Variants in RPH3A observed in about 807,000 individuals in gnomAD.
RPH3A encodes rabphilin-3A.
In RPH3A, 48 loss-of-function variants were observed where a neutral mutation model predicts 102.2. The ratio of observed to expected loss-of-function variants is 0.47; its 90% CI spans 0.37 to 0.60. The LOEUF (loss-of-function observed/expected upper bound fraction) is 0.60, where lower values mean the gene tolerates loss of function less well. Among genes scored for constraint, RPH3A ranks in the 20% least tolerant of loss-of-function variants. RPH3A has a pLI of 0.00. For missense variants in RPH3A, 781 were observed against 910.1 expected, an observed-to-expected ratio of 0.86 and a Z score of 1.83; for synonymous variants, 310 against 324.3, an observed-to-expected ratio of 0.96 and a Z score of 0.47.
chr12:112,841,196 C>CCTCGTT (rs2042137212), intron 4 of RPH3A, among the ~76,000 whole-genome samples: 1 of 43,864 alleles, frequency 2.3e-5, no homozygotes, highest in Non-Finnish European at 4.8e-5. Flanking sequence ...AAAAAAAAAG[C>CCTCGTT]CTCGTTGGAA....
chr12:112,630,770 C>T (rs550109001), intron 1 of RPH3A, among the ~76,000 whole-genome samples: 13 of 152,292 alleles, frequency 8.5e-5, no homozygotes, highest in African/African-American at 3.1e-4. Flanking sequence ...ATGGCTCCCT[C>T]TGGGCTGGGC....
intron 2 of RPH3A, among the ~76,000 whole-genome samples, chr12:112,803,773 G>A (rs1197053065): frequency 6.6e-6 from 1 of 152,182 alleles, no homozygotes; most frequent in Non-Finnish European, 1.5e-5. Flanking sequence ...CTGGCCAGGA[G>A]GAGGCAGTAT....
intron 1 of RPH3A, among the ~76,000 whole-genome samples, chr12:112,701,993 A>G (rs1478316234): frequency 6.6e-6 from 1 of 152,248 alleles, no homozygotes; most frequent in African/African-American, 2.4e-5. Flanking sequence ...AGAGCAGAGC[A>G]GAAGGAGTTA....
intron 1 of RPH3A, among the ~76,000 whole-genome samples, chr12:112,728,663 C>T (rs1246530627): frequency 6.6e-6 from 1 of 152,110 alleles, no homozygotes; most frequent in Non-Finnish European, 1.5e-5. Context: ...GCCAGTCCCC[C>T]AAAAGATGGG....
intron 1 of RPH3A, among the ~76,000 whole-genome samples, chr12:112,586,797 C>T (rs577539943): frequency 6.6e-6 from 1 of 152,314 alleles, no homozygotes; most frequent in East Asian, 1.9e-4. Flanking sequence ...AAGACATTCA[C>T]AACTTCTAAG....
At chr12:112,649,598 T>C (rs931361660) in intron 1 of RPH3A, 5 of 152,232 alleles carry the variant, frequency 3.3e-5, no homozygotes, top group East Asian at 3.8e-4. Context: ...TAAGTTCTTA[T>C]AGTAATTGGG....
At chr12:112,874,955 C>T (rs2042768135) in intron 10 of RPH3A, 129 bp from the exon 11 acceptor site, 4 of 653,258 alleles carry the variant, frequency 6.1e-6, no homozygotes, top group Non-Finnish European at 1.0e-5. Flanking sequence ...AAGAGCTGAG[C>T]GAGTGAGGAG....
At chr12:112,790,493 T>C (rs528487006), upstream of RPH3A, among the ~76,000 whole-genome samples, 16 of 152,338 alleles carry the variant, frequency 1.1e-4, no homozygotes, top group East Asian at 2.5e-3. Context: ...GCTTTAGATA[T>C]GAGTCTCCAA....
intron 1 of RPH3A, among the ~76,000 whole-genome samples, chr12:112,782,015 G>A (rs1483203075): frequency 6.6e-6 from 1 of 152,208 alleles, no homozygotes; most frequent in African/African-American, 2.4e-5. Flanking sequence ...AAGGATACAG[G>A]CTATTATGGA....
At position 112,676,442 on chromosome 12, in the gene RPH3A, C is replaced by T. The variant is rs1231608427; in HGVS notation, c.-140+101123C>T. The stretch of plus-strand genomic sequence containing the variant: ...TGGGCTTTCTCACCAAGTCTCTTCT[C>T]TGCTTTTCTCCCCAGCAGGGTTAAA... On this transcript the variant is annotated intron_variant, in intron 1 of 21. Coordinates refer to the RPH3A transcript ENST00000543106. Among the ~76,000 whole-genome samples, 3 of 152,242 alleles carry T rather than the reference C, an allele frequency of 2.0e-5. No individual in the cohort carries two copies. The South Asian group carries it at 6.2e-4, about 32-fold the overall frequency.
At chr12:112,718,648 C>T (rs2040530248) in intron 1 of RPH3A, among the ~76,000 whole-genome samples, 1 of 152,188 alleles carries the variant, frequency 6.6e-6, no homozygotes, top group South Asian at 2.1e-4. Context: ...GTCTACTGGC[C>T]ATGTTGGGGC....
At chr12:112,776,256 G>A (rs549703919) in intron 1 of RPH3A, among the ~76,000 whole-genome samples, 73 of 152,232 alleles carry the variant, frequency 4.8e-4, no homozygotes, top group Non-Finnish European at 8.7e-4. Flanking sequence ...TTTCCTCATT[G>A]TATCAGTTAT....
intron 10 of RPH3A, among the ~76,000 whole-genome samples, chr12:112,870,806 C>T (rs922145569): frequency 1.3e-5 from 2 of 152,142 alleles, no homozygotes; most frequent in Non-Finnish European, 2.9e-5. Context: ...CATAATCTGC[C>T]CAGACCTCCC....
intron 2 of RPH3A, among the ~76,000 whole-genome samples, chr12:112,824,635 C>T (rs1262477474): frequency 6.6e-6 from 1 of 152,068 alleles, no homozygotes; most frequent in African/African-American, 2.4e-5. Context: ...GGGTAAGCAC[C>T]AGATAAAGAG....
chr12:112,580,634 C>T (rs2039394012), intron 1 of RPH3A, among the ~76,000 whole-genome samples: 1 of 151,982 alleles, frequency 6.6e-6, no homozygotes, highest in South Asian at 2.1e-4. Flanking sequence ...TCTCGATCTC[C>T]TGACCTCGTG....
chr12:112,580,558 C>G (rs968725123), intron 1 of RPH3A, among the ~76,000 whole-genome samples: 1 of 151,928 alleles, frequency 6.6e-6, no homozygotes, highest in African/African-American at 2.4e-5. Context: ...CGCCCGCCAC[C>G]ACGCCCGGCT....
intron 1 of RPH3A, among the ~76,000 whole-genome samples, chr12:112,736,906 G>A (rs1205221199): frequency 6.6e-6 from 1 of 152,140 alleles, no homozygotes; most frequent in Non-Finnish European, 1.5e-5. Context: ...TGTAATCCCA[G>A]CACTTTGGGA....
At chr12:112,859,282 A>T (rs1264030213) in intron 5 of RPH3A, among the ~76,000 whole-genome samples, 1 of 152,212 alleles carries the variant, frequency 6.6e-6, no homozygotes, top group East Asian at 1.9e-4. Flanking sequence ...TTATTAGAAG[A>T]GGTTTTTTCA....
upstream of RPH3A, among the ~76,000 whole-genome samples, chr12:112,788,895 A>C (rs2041068585): frequency 6.6e-6 from 1 of 152,162 alleles, no homozygotes; most frequent in Non-Finnish European, 1.5e-5. Context: ...GTGGTGGCTC[A>C]CACCTGTAAT....
Sources: gnomAD v4.1 joint callset for allele counts (sites outside exome capture counted in the v4.1 genomes callset) on GRCh38, gnomAD v4.1.1 for gene constraint, MANE v1.5 for transcripts, NCBI Gene and HGNC (gene_info 2026-07-23, HGNC 2026-07-21) for gene names.